Variants in PCDHA8 observed in about 807,000 individuals in gnomAD.
PCDHA8 encodes protocadherin alpha 8.
A neutral mutation model predicts 61.8 loss-of-function variants in PCDHA8; 53 were observed. The ratio of observed to expected loss-of-function variants is 0.86; its 90% confidence interval spans 0.69 to 1.08. The LOEUF is 1.08. PCDHA8 is among the 50% of genes least tolerant of loss of function. The pLI is 0.00. For missense variants in PCDHA8, 1,293 were observed against 1,245.0 expected, an observed-to-expected ratio of 1.04 and a Z score of -0.58; for synonymous variants, 618 against 556.6, an observed-to-expected ratio of 1.11 and a Z score of -1.55.
Position 140,860,053 on chromosome 5 carries a change from C to T in PCDHA8, c.2394+16338C>T, listed in dbSNP as rs186329592. The T allele has an allele frequency of 6.0e-5, 9 of 150,766 alleles. No individual in the cohort carries two copies. In the East Asian group the frequency reaches 1.6e-3, roughly 26 times the overall value. 9.3% of individuals were successfully genotyped at this position (150,766 alleles called of 1,614,324 possible). A position where few individuals can be genotyped will look rare whatever the true frequency, so the allele number is the denominator to read the frequency against. ...CCTGTAATCCCAGCATTTTGAGAGGCCAAGGTGGGAGGATGGTTTGAGGCC... is the reference window on the plus strand; with the variant it reads ...CCTGTAATCCCAGCATTTTGAGAGGTCAAGGTGGGAGGATGGTTTGAGGCC... On this transcript the variant is annotated intron_variant, in intron 1 of 3. Transcript: ENST00000531613.
Position 140,907,813 on chromosome 5 carries a change from G to A in PCDHA8, c.2394+64098G>A, listed in dbSNP as rs192249919. On this transcript the variant is annotated intron_variant, in intron 1 of 3. Coordinates refer to ENST00000531613, the MANE Select transcript of PCDHA8 (RefSeq NM_018911.3). ...AGAGGCTAAGTGGTGTCCACAGAACGAGTCATCCTATCCACTTGTTTATTA... is the reference window on the plus strand; with the variant it reads ...AGAGGCTAAGTGGTGTCCACAGAACAAGTCATCCTATCCACTTGTTTATTA... Among the ~76,000 whole-genome samples the A allele has an allele frequency of 2.7e-3, 406 of 152,332 alleles. 1 individual carries two copies. The highest frequency in any genetic ancestry group is 9.3e-3 in the African/African-American group (387 of 41,574).
At chr5:140,958,145 A>G (rs1044763099) in intron 1 of PCDHA8, among the ~76,000 whole-genome samples, 4 of 152,156 alleles carry the variant, frequency 2.6e-5, no homozygotes, top group African/African-American at 4.8e-5. Context: ...GTATATTTAT[A>G]TAGCATAGTC....
At chr5:140,952,104 C>T (rs1009516552) in intron 1 of PCDHA8, among the ~76,000 whole-genome samples, 3 of 152,102 alleles carry the variant, frequency 2.0e-5, no homozygotes, top group South Asian at 2.1e-4. Flanking sequence ...AGGGCACACT[C>T]GTGTGAGGGA....
chr5:140,993,508 ACG>A (rs2097567607), intron 3 of PCDHA8, among the ~76,000 whole-genome samples: 1 of 147,006 alleles, frequency 6.8e-6, no homozygotes, highest in Non-Finnish European at 1.5e-5. Context: ...ACACACACAC[ACG>A]GGGAGAGAGA....
chr5:140,856,155 A>G (rs533990024), intron 1 of PCDHA8: 1 of 1,598,294 alleles, frequency 6.3e-7, no homozygotes, highest in African/African-American at 1.3e-5. Context: ...TCAGTCTACG[A>G]GGAGGCCAGA....
intron 1 of PCDHA8, among the ~76,000 whole-genome samples, chr5:140,941,191 T>TTTTTTCTTTC (rs1554213809): frequency 1.1e-5 from 1 of 93,206 alleles, no homozygotes; most frequent in Non-Finnish European, 2.3e-5. Flanking sequence ...GCTTCTTTTT[T>TTTTTTCTTTC]TTTCTTTCTT....
intron 1 of PCDHA8, among the ~76,000 whole-genome samples, chr5:140,896,034 C>T (rs2065325543): frequency 6.6e-6 from 1 of 152,192 alleles, no homozygotes; most frequent in South Asian, 2.1e-4. Flanking sequence ...TGGTCTCGAA[C>T]TCCTGACCTC....
chr5:140,885,592 G>A (rs1428219345), intron 1 of PCDHA8, among the ~76,000 whole-genome samples: 1 of 152,102 alleles, frequency 6.6e-6, no homozygotes, highest in Non-Finnish European at 1.5e-5. Context: ...ATGCATCAAA[G>A]ATATTAATAA....
chr5:140,963,032 T>C (rs541613535), intron 1 of PCDHA8, among the ~76,000 whole-genome samples: 8 of 152,290 alleles, frequency 5.3e-5, no homozygotes, highest in African/African-American at 1.9e-4. Context: ...CAATTAACAT[T>C]TATTGAGAGT....
At chr5:140,958,515 A>G (rs1217324801) in intron 1 of PCDHA8, among the ~76,000 whole-genome samples, 1 of 152,150 alleles carries the variant, frequency 6.6e-6, no homozygotes, top group Non-Finnish European at 1.5e-5. Flanking sequence ...TGGCTGTCCA[A>G]TATATACTAT....
In PCDHA8 at chr5:141,009,754, C is replaced by A. The variant is rs200585286; in HGVS notation, c.2670C>A (p.Ile890=). 18 of 1,614,022 alleles carry A rather than the reference C, an allele frequency of 1.1e-5. No individual in the cohort carries two copies. Among genetic ancestry groups the A allele is most frequent in the Non-Finnish European group, 1.5e-5 (18 of 1,180,034 alleles). ...GTGAGTTGCCCGACAAATTCATTAT[C>A]CCAGGATCTCCTGCAATCATCTCCA... The part of the protein sequence containing the change: ...GPGELPDKFI[I]PGSPAIISIR... The change falls in exon 4 of 4, where the codon ATC becomes ATA. Residue 890 remains isoleucine, a synonymous_variant. Coordinates refer to ENST00000531613, the MANE Select transcript of PCDHA8 (RefSeq NM_018911.3).
intron 1 of PCDHA8, among the ~76,000 whole-genome samples, chr5:140,943,312 A>G (rs1229555554): frequency 1.3e-5 from 2 of 150,890 alleles, no homozygotes; most frequent in African/African-American, 2.4e-5. Context: ...AGTCATTATT[A>G]GCAATATTGT....
At position 140,953,768 on chromosome 5, in the gene PCDHA8, A is replaced by G. The variant is rs146090592; in HGVS notation, c.2395-25181A>G. Among the ~76,000 whole-genome samples, 15 of 152,248 alleles carry G rather than the reference A, an allele frequency of 9.9e-5. No homozygotes were observed. In the East Asian group the frequency reaches 2.7e-3, roughly 27 times the overall value. The stretch of plus-strand genomic sequence containing the variant: ...TACATTTATCCAAGAATTAAATTTA[A>G]TATTTATTTATTTTTTTCTTCAACT... On this transcript the variant is annotated intron_variant, in intron 1 of 3. Coordinates refer to ENST00000531613, the MANE Select transcript of PCDHA8 (RefSeq NM_018911.3).
At chr5:140,934,590 G>T (rs1305372783) in intron 1 of PCDHA8, among the ~76,000 whole-genome samples, 4 of 151,886 alleles carry the variant, frequency 2.6e-5, no homozygotes, top group Admixed American at 2.6e-4. Context: ...TCTGTAATGG[G>T]TCTTCAACTA....
chr5:140,869,205 C>T (rs782278064), intron 1 of PCDHA8: 1 of 1,613,994 alleles, frequency 6.2e-7, no homozygotes, highest in Non-Finnish European at 8.5e-7. Flanking sequence ...TCCACTACTC[C>T]GTCTCGGAGG....
rs534595431 is a variant in PCDHA8 at position 140,908,278 on chromosome 5, TG to T, written c.2394+64564del. On this transcript the variant is annotated intron_variant, in intron 1 of 3. Coordinates refer to ENST00000531613, the MANE Select transcript of PCDHA8 (RefSeq NM_018911.3). Reference sequence around the variant, plus strand: ...CATAGGGAACTCCCCATGAGGCCATTGTTGCAAGCTGGGGAAGAGAAGGAAG... The same window carrying T: ...CATAGGGAACTCCCCATGAGGCCATTTTGCAAGCTGGGGAAGAGAAGGAAG... Among the ~76,000 whole-genome samples the T allele has an allele frequency of 1.3e-3, 196 of 152,290 alleles. 1 individual carries two copies. Among genetic ancestry groups the T allele is most frequent in the African/African-American group, 4.6e-3 (191 of 41,570 alleles).
intron 3 of PCDHA8, among the ~76,000 whole-genome samples, chr5:140,998,223 G>A (rs1554256200): frequency 6.6e-6 from 1 of 152,140 alleles, no homozygotes; most frequent in Non-Finnish European, 1.5e-5. Context: ...ACCACACCCA[G>A]AAATTTGTGC....
intron 1 of PCDHA8, chr5:140,877,428 G>A: frequency 6.2e-7 from 1 of 1,613,886 alleles, no homozygotes; most frequent in Non-Finnish European, 8.5e-7. Flanking sequence ...TGCTGGTGAA[G>A]GACCACGGTG....
chr5:140,971,922 G>A (rs1433994919), intron 1 of PCDHA8, among the ~76,000 whole-genome samples: 1 of 152,120 alleles, frequency 6.6e-6, no homozygotes, highest in Admixed American at 6.5e-5. Context: ...CACACTGCTA[G>A]TGTTATTTTA....
Sources: gnomAD v4.1 joint callset for allele counts (sites outside exome capture counted in the v4.1 genomes callset) on GRCh38, gnomAD v4.1.1 for gene constraint, MANE v1.5 for transcripts, NCBI Gene and HGNC (gene_info 2026-07-23, HGNC 2026-07-21) for gene names.